HDX: variants seen among roughly 807,000 people sequenced by gnomAD.
The protein encoded by HDX is chromosome X open reading frame 43.
In HDX, 19 loss-of-function variants were observed where a neutral mutation model predicts 45.2. The ratio of observed to expected loss-of-function variants is 0.42; its 90% confidence interval spans 0.29 to 0.62. The LOEUF (loss-of-function observed/expected upper bound fraction) is 0.62. HDX is among the 20% of genes least tolerant of loss of function. The probability of loss-of-function intolerance (pLI) is 0.20; values close to 1 mark genes in which losing one functional copy is unlikely to be tolerated. For synonymous variants in HDX, 188 were observed against 172.8 expected (o/e 1.09, Z -0.69); for missense variants, 532 against 493.9 (o/e 1.08, Z -0.73).
At chrX:84,484,033 G>A (rs55707844) in intron 2 of HDX, among the ~76,000 whole-genome samples, 26,371 of 110,563 alleles carry the variant, frequency 0.24, 2,503 homozygotes, top group Non-Finnish European at 0.31. Context: ...CATTCAACAA[G>A]TCTCTAGAAG....
At chrX:84,348,533 GT>G (rs1250093172) in intron 6 of HDX, among the ~76,000 whole-genome samples, 2 of 111,484 alleles carry the variant, frequency 1.8e-5, no homozygotes, top group African/African-American at 6.5e-5. Flanking sequence ...TTGTTTGTTT[GT>G]TTTTTGCCTT....
chrX:84,501,979 G>T (rs767909298), intron 1 of HDX, among the ~76,000 whole-genome samples: 2 of 111,603 alleles, frequency 1.8e-5, no homozygotes, highest in Non-Finnish European at 1.9e-5. Context: ...GTGAAATCTA[G>T]AAGTGGTAGA....
intron 2 of HDX, among the ~76,000 whole-genome samples, chrX:84,476,009 T>C (rs2040542139): frequency 8.9e-6 from 1 of 112,169 alleles, no homozygotes; most frequent in Non-Finnish European, 1.9e-5. Flanking sequence ...AAACATAGCA[T>C]ATACATAAAA....
intron 5 of HDX, among the ~76,000 whole-genome samples, chrX:84,368,595 A>G (rs1171856977): frequency 8.9e-6 from 1 of 112,252 alleles, no homozygotes; most frequent in Non-Finnish European, 1.9e-5. Flanking sequence ...TAAAATATAC[A>G]TAACATTTGC....
rs1168433332 is a variant in HDX at position 84,319,215 on chromosome X, T to A, written c.*2674A>T. The A allele has an allele frequency of 9.0e-6, 1 of 110,866 alleles. No homozygotes were observed. The highest frequency in any genetic ancestry group is 1.9e-5 in the Non-Finnish European group (1 of 52,469). 9.1% of individuals were successfully genotyped at this position (110,866 alleles called of 1,213,427 possible). Reference sequence around the variant, plus strand: ...GAGAGAGCCTTCAGATAGTAAGGTCTGTTTTAATAATCTCAAAGCCCTAAA... The same window carrying A: ...GAGAGAGCCTTCAGATAGTAAGGTCAGTTTTAATAATCTCAAAGCCCTAAA... On this transcript the variant is annotated 3_prime_UTR_variant, in exon 11 of 11. Transcript: ENST00000373177.
rs1056529384 is a variant in HDX at position 84,319,170 on chromosome X, A to G, written c.*2719T>C. ...TGTTTTTTGTTTTTTGTTTTTTTCC[A>G]CATTGGCTTCTGTCTCCCTGAGAGA... On this transcript the variant is annotated 3_prime_UTR_variant, in exon 11 of 11. Coordinates refer to ENST00000373177, the MANE Select transcript of HDX (RefSeq NM_001177479.2). The G allele has an allele frequency of 1.8e-5, 2 of 110,148 alleles. No individual in the cohort carries two copies. Among genetic ancestry groups the G allele is most frequent in the African/African-American group, 6.6e-5 (2 of 30,506 alleles). 9.1% of individuals were successfully genotyped at this position (110,148 alleles called of 1,213,427 possible). A position where few individuals can be genotyped will look rare whatever the true frequency, so the allele number is the denominator to read the frequency against.
intron 5 of HDX, among the ~76,000 whole-genome samples, chrX:84,370,266 G>A (rs747581854): frequency 9.0e-6 from 1 of 111,483 alleles, no homozygotes; most frequent in Non-Finnish European, 1.9e-5. Context: ...GGCTTTCCTC[G>A]TTCGCAGGCC....
rs141372169 is a variant in HDX at position 84,348,159 on chromosome X, C to A, written c.1453-3702G>T. On this transcript the variant is annotated intron_variant, in intron 6 of 10. Transcript: ENST00000373177. Reference sequence around the variant, plus strand: ...TTGTATATTATGTTCCATTTTTAATCAATATTTTTGTTTTATGCTCTCCAG... The same window carrying A: ...TTGTATATTATGTTCCATTTTTAATAAATATTTTTGTTTTATGCTCTCCAG... Among the ~76,000 whole-genome samples, 470 of 111,098 alleles carry A rather than the reference C, an allele frequency of 4.2e-3. 4 individuals carry two copies. Among genetic ancestry groups the A allele is most frequent in the African/African-American group, 0.015 (451 of 30,632 alleles).
At chrX:84,337,654 A>G (rs1363296998) in intron 7 of HDX, among the ~76,000 whole-genome samples, 1 of 111,740 alleles carries the variant, frequency 8.9e-6, no homozygotes, top group Non-Finnish European at 1.9e-5. Context: ...GGTGGCAAAA[A>G]TATCCTCTTA....
At chrX:84,447,618 A>T (rs2039901696) in intron 4 of HDX, among the ~76,000 whole-genome samples, 1 of 110,570 alleles carries the variant, frequency 9.0e-6, no homozygotes. Context: ...AAACAGTTAC[A>T]CCAAGATGCC....
chrX:84,435,088 A>G (rs1193220391), intron 5 of HDX, among the ~76,000 whole-genome samples: 2 of 110,038 alleles, frequency 1.8e-5, no homozygotes, highest in East Asian at 5.7e-4. Context: ...GGATTTGTCA[A>G]TTTTGCTTAT....
intron 4 of HDX, among the ~76,000 whole-genome samples, chrX:84,441,585 A>G (rs959370704): frequency 8.9e-6 from 1 of 111,747 alleles, no homozygotes; most frequent in Non-Finnish European, 1.9e-5. Context: ...TAAACCTTTA[A>G]TCATTATTAT....
chrX:84,471,419 GTAT>G (rs1341239236), intron 3 of HDX, among the ~76,000 whole-genome samples: 3 of 106,883 alleles, frequency 2.8e-5, no homozygotes, highest in Non-Finnish European at 3.8e-5. Context: ...TCGATATAGA[GTAT>G]TATTATTTTA....
chrX:84,332,140 A>G (rs2036855936), intron 9 of HDX, among the ~76,000 whole-genome samples: 1 of 111,503 alleles, frequency 9.0e-6, no homozygotes, highest in Non-Finnish European at 1.9e-5. Flanking sequence ...GAACTGCTAT[A>G]TGAGGTTTTG....
rs1261205021 is a variant in HDX at position 84,421,836 on chromosome X, A to G, written c.1305+18696T>C. ...AAGAGACAAAGAAGGTCACTATATA[A>G]TGATAATTCAGCAAGAGGATATAAG... On this transcript the variant is annotated intron_variant, in intron 5 of 10. Transcript: ENST00000373177. 3.6e-5 allele frequency among the ~76,000 whole-genome samples: 4 copies of G among 111,410 alleles called. No individual in the cohort carries two copies. The Admixed American group carries it at 3.8e-4, about 11-fold the overall frequency.
chrX:84,326,805 G>C (rs975513760), intron 9 of HDX, among the ~76,000 whole-genome samples: 2 of 109,932 alleles, frequency 1.8e-5, no homozygotes, highest in African/African-American at 6.6e-5. Flanking sequence ...CAAGCTACTT[G>C]GGAGGCTGAG....
At chrX:84,494,717 T>C (rs2040964729) in intron 1 of HDX, among the ~76,000 whole-genome samples, 1 of 111,898 alleles carries the variant, frequency 8.9e-6, no homozygotes, top group African/African-American at 3.2e-5. Context: ...AAAAGGAAAC[T>C]CTTGTACAAC....
At chrX:84,432,684 A>G (rs766760568) in intron 5 of HDX, among the ~76,000 whole-genome samples, 2 of 111,417 alleles carry the variant, frequency 1.8e-5, no homozygotes, top group Admixed American at 1.9e-4. Flanking sequence ...TGTATCTTGT[A>G]TTCTGCTTAC....
chrX:84,381,161 A>G (rs937658039), intron 5 of HDX, among the ~76,000 whole-genome samples: 5 of 111,359 alleles, frequency 4.5e-5, no homozygotes, highest in Admixed American at 2.9e-4. Flanking sequence ...AAAGATCTCC[A>G]TAATGAAAAC....
Sources: gnomAD v4.1 joint callset for allele counts (sites outside exome capture counted in the v4.1 genomes callset) on GRCh38, gnomAD v4.1.1 for gene constraint, MANE v1.5 for transcripts, NCBI Gene and HGNC (gene_info 2026-07-23, HGNC 2026-07-21) for gene names.